The following PDE11A variants were observed in gnomAD, a reference collection of about 807,000 sequenced individuals.
The protein encoded by PDE11A is phosphodiesterase 11A.
Under a neutral mutation model 100.5 loss-of-function variants are expected in PDE11A, and 100 were observed. The observed-to-expected ratio is 1.00, with a 90% CI of 0.85 to 1.18. The LOEUF is 1.18. Ranked by LOEUF, PDE11A falls within the 50% of genes most tolerant of loss-of-function variation. PDE11A has a pLI of 0.00. For synonymous variants in PDE11A, 381 were observed against 420.8 expected (o/e 0.91, Z 1.16); for missense variants, 1,141 against 1,152.6 (o/e 0.99, Z 0.15).
intron 17 of PDE11A, among the ~76,000 whole-genome samples, chr2:177,674,091 C>T (rs971899447): frequency 6.6e-6 from 1 of 152,120 alleles, no homozygotes; most frequent in African/African-American, 2.4e-5. Context: ...ACTGATGCAT[C>T]ATGTGAAGGA....
intron 15 of PDE11A, among the ~76,000 whole-genome samples, chr2:177,690,556 T>C (rs1018761637): frequency 2.6e-5 from 4 of 152,240 alleles, no homozygotes; most frequent in African/African-American, 9.6e-5. Context: ...TTGGTCAAAC[T>C]ATCACATTGA....
At chr2:178,042,891 C>T (rs977641470) in intron 1 of PDE11A, among the ~76,000 whole-genome samples, 4 of 152,158 alleles carry the variant, frequency 2.6e-5, no homozygotes, top group South Asian at 4.1e-4. Flanking sequence ...CAAAGCTGCT[C>T]TGTATTAACC....
intron 5 of PDE11A, among the ~76,000 whole-genome samples, chr2:177,868,873 G>A (rs2084075382): frequency 6.6e-6 from 1 of 152,160 alleles, no homozygotes; most frequent in African/African-American, 2.4e-5. Context: ...CAATTTTAAG[G>A]GTTGCTAATG....
rs35728831 is a variant in PDE11A, at chr2:177,791,534, TAA to T, written c.1738-22163_1738-22162del. On this transcript the variant is annotated intron_variant, in intron 9 of 19. Coordinates refer to ENST00000286063, the MANE Select transcript of PDE11A (RefSeq NM_016953.4). ...CACATGTACCCTAAAACTTAAAGTA[TAA>T]AAAAAAAAAAAAAGAATAGTGTTTA... 6.3e-3 allele frequency among the ~76,000 whole-genome samples: 893 copies of T among 142,692 alleles called. 2 individuals are homozygous for T. The highest frequency in any genetic ancestry group is 0.015 in the Middle Eastern group (4 of 272). The allele number at this position is 142,692 out of a possible 152,430, so 93.6% of individuals were successfully genotyped here. A position where few individuals can be genotyped will look rare whatever the true frequency, so the allele number is the denominator to read the frequency against.
intron 12 of PDE11A, among the ~76,000 whole-genome samples, chr2:177,721,386 C>T (rs754774480): frequency 5.9e-5 from 9 of 151,956 alleles, no homozygotes; most frequent in East Asian, 1.9e-4. Context: ...AAAATTTGCT[C>T]AATATATTTC....
At position 177,991,926 on chromosome 2, in the gene PDE11A, A is replaced by G. The variant is rs997350541; in HGVS notation, c.1071+22376T>C. Among the ~76,000 whole-genome samples the G allele has an allele frequency of 5.9e-5, 9 of 151,280 alleles. No homozygotes were observed. In the East Asian group the frequency reaches 1.7e-3, roughly 29 times the overall value. On this transcript the variant is annotated intron_variant, in intron 2 of 19. Coordinates refer to ENST00000286063, the MANE Select transcript of PDE11A (RefSeq NM_016953.4). ...ATCTCCTATTCTCAGCTCCAGTCCG[A>G]CAAGAGACCCTAATTAAATTTCTAA...
intron 2 of PDE11A, among the ~76,000 whole-genome samples, chr2:177,973,133 C>T (rs149392131): frequency 0.018 from 2,708 of 151,104 alleles, 42 homozygotes; most frequent in South Asian, 0.047. Flanking sequence ...CCAGCGTGAG[C>T]GACGCAGAAG....
At chr2:177,726,662 T>TG (rs1350703723) in intron 12 of PDE11A, among the ~76,000 whole-genome samples, 1 of 150,244 alleles carries the variant, frequency 6.7e-6, no homozygotes, top group Admixed American at 6.6e-5. Flanking sequence ...GAGGCAGAGT[T>TG]TTTTTTTTTT....
chr2:177,663,733 G>C, intron 19 of PDE11A, 133 bp downstream of exon 19: 1 of 701,502 alleles, frequency 1.4e-6, no homozygotes, highest in Non-Finnish European at 2.6e-6. Context: ...ATCCAAGAAA[G>C]ACAAACTGCA....
chr2:177,643,707 T>A (rs1180741062), intron 19 of PDE11A, among the ~76,000 whole-genome samples: 3 of 152,186 alleles, frequency 2.0e-5, no homozygotes, highest in African/African-American at 7.2e-5. Context: ...CTCCAGGCCA[T>A]GTCAGTGGTC....
chr2:177,840,852 T>C (rs375538614), intron 5 of PDE11A, among the ~76,000 whole-genome samples: 15 of 152,368 alleles, frequency 9.8e-5, no homozygotes, highest in South Asian at 2.1e-4. Flanking sequence ...GTATCTAGAC[T>C]ATGGTCTTTT....
At chr2:177,984,396 C>G (rs1332639334) in intron 2 of PDE11A, among the ~76,000 whole-genome samples, 4 of 152,178 alleles carry the variant, frequency 2.6e-5, no homozygotes, top group Non-Finnish European at 4.4e-5. Flanking sequence ...CATACATATA[C>G]TTTTAACTGA....
At chr2:177,865,720 A>G (rs984507053) in intron 5 of PDE11A, among the ~76,000 whole-genome samples, 2 of 152,252 alleles carry the variant, frequency 1.3e-5, no homozygotes, top group East Asian at 3.8e-4. Flanking sequence ...AATAGTGAAA[A>G]CATTATGTTA....
At chr2:178,105,442 G>A (rs1180081818) in intron 1 of PDE11A, among the ~76,000 whole-genome samples, 1 of 152,136 alleles carries the variant, frequency 6.6e-6, no homozygotes, top group Admixed American at 6.5e-5. Context: ...CTGGGTGACA[G>A]AGAGAGACTC....
Position 177,998,618 on chromosome 2 carries a change from T to C in PDE11A, c.1071+15684A>G, listed in dbSNP as rs189267128. The C allele has an allele frequency of 6.9e-5, 90 of 1,298,746 alleles. No homozygotes were observed. In the African/African-American group the frequency reaches 9.9e-4, roughly 14 times the overall value. 80.5% of individuals were successfully genotyped at this position (1,298,746 alleles called of 1,614,324 possible). ...CCAATTCTGTAAAATGCTTAAAGAATTTCAGAATAAATTGAGCTGCTAATC... is the reference window on the plus strand; with the variant it reads ...CCAATTCTGTAAAATGCTTAAAGAACTTCAGAATAAATTGAGCTGCTAATC... On this transcript the variant is annotated intron_variant, in intron 2 of 19. Transcript: ENST00000286063.
In PDE11A at chr2:177,713,987, CTTT is replaced by C. The variant is rs57211363; in HGVS notation, c.2044-2112_2044-2110del. On this transcript the variant is annotated intron_variant, in intron 12 of 19. Coordinates refer to ENST00000286063, the MANE Select transcript of PDE11A (RefSeq NM_016953.4). Reference sequence around the variant, plus strand: ...TCCCACCATATTTCTTTTCTTTTTTCTTTTTTTTTTTTTTTTTTTTTTTTGAGA... The same window carrying C: ...TCCCACCATATTTCTTTTCTTTTTTCTTTTTTTTTTTTTTTTTTTTTGAGA... Among the ~76,000 whole-genome samples the C allele has an allele frequency of 6.5e-3, 500 of 77,348 alleles. 1 individual carries two copies. The highest frequency in any genetic ancestry group is 0.025 in the African/African-American group (471 of 18,784). The allele number at this position is 77,348 out of a possible 152,430, so 50.7% of individuals were successfully genotyped here. A position where few individuals can be genotyped will look rare whatever the true frequency, so the allele number is the denominator to read the frequency against.
At chr2:177,786,519 C>T (rs1487198139) in intron 9 of PDE11A, among the ~76,000 whole-genome samples, 12 of 152,232 alleles carry the variant, frequency 7.9e-5, no homozygotes, top group East Asian at 1.9e-4. Flanking sequence ...TCACCAGCAA[C>T]GGAACAAAGC....
chr2:177,670,225 C>T (rs146570020), intron 17 of PDE11A, among the ~76,000 whole-genome samples: 26 of 152,230 alleles, frequency 1.7e-4, no homozygotes, highest in African/African-American at 5.3e-4. Context: ...TCTGGATCTA[C>T]GCACTAAAAG....
At chr2:177,741,149 A>T (rs2081865898) in intron 10 of PDE11A, among the ~76,000 whole-genome samples, 1 of 152,184 alleles carries the variant, frequency 6.6e-6, no homozygotes, top group African/African-American at 2.4e-5. Context: ...AGACAACAGA[A>T]ATTTATTTTC....
Sources: gnomAD v4.1 joint callset for allele counts (sites outside exome capture counted in the v4.1 genomes callset) on GRCh38, gnomAD v4.1.1 for gene constraint, MANE v1.5 for transcripts, NCBI Gene and HGNC (gene_info 2026-07-23, HGNC 2026-07-21) for gene names.